The following CSMD1 variants were observed in gnomAD, a reference collection of about 807,000 sequenced individuals.
CSMD1 encodes the protein CUB and sushi domain-containing protein 1.
Under a neutral mutation model 417.5 loss-of-function variants are expected in CSMD1, and 213 were observed. The observed-to-expected ratio is 0.51, with a 90% CI of 0.46 to 0.57. The LOEUF (loss-of-function observed/expected upper bound fraction) is 0.57. Ranked by LOEUF, CSMD1 falls within the 20% of genes least tolerant of loss-of-function variation. CSMD1 has a pLI of 0.00. For synonymous variants in CSMD1, 2,862 were observed against 1,736.8 expected (o/e 1.65, Z -16.11); for missense variants, 6,923 against 4,529.7 (o/e 1.53, Z -15.17).
At chr8:3,213,166 C>T (rs938290420) in intron 30 of CSMD1, among the ~76,000 whole-genome samples, 9 of 152,116 alleles carry the variant, frequency 5.9e-5, no homozygotes, top group Admixed American at 1.3e-4. Context: ...TGGCCTGAAG[C>T]TGCCAGTAGC....
chr8:4,358,404 C>T (rs944467952), intron 3 of CSMD1, among the ~76,000 whole-genome samples: 4 of 152,076 alleles, frequency 2.6e-5, no homozygotes, highest in African/African-American at 7.2e-5. Flanking sequence ...TGTTTCGTGA[C>T]ACGTGAAAAT....
chr8:3,971,702 G>A (rs999096297), intron 5 of CSMD1, among the ~76,000 whole-genome samples: 2 of 152,266 alleles, frequency 1.3e-5, no homozygotes, highest in East Asian at 1.9e-4. Flanking sequence ...GCAAGGATAC[G>A]AGCCTCTTCC....
chr8:3,925,610 CA>C (rs1024949789), intron 5 of CSMD1, among the ~76,000 whole-genome samples: 6 of 152,026 alleles, frequency 3.9e-5, no homozygotes, highest in African/African-American at 1.4e-4. Flanking sequence ...ACTATTCTCG[CA>C]ACAGTGAATA....
At chr8:4,960,117 G>C (rs763549044) in intron 1 of CSMD1, among the ~76,000 whole-genome samples, 1 of 152,108 alleles carries the variant, frequency 6.6e-6, no homozygotes, top group Non-Finnish European at 1.5e-5. Context: ...TTTTAGGAGG[G>C]ATATAATGTG....
At chr8:4,163,079 T>G (rs1025771812) in intron 3 of CSMD1, among the ~76,000 whole-genome samples, 1 of 152,212 alleles carries the variant, frequency 6.6e-6, no homozygotes, top group African/African-American at 2.4e-5. Context: ...AATTTTGTTT[T>G]AGCAATGAAT....
rs150813897 is a variant in CSMD1 at position 4,248,410 on chromosome 8, A to G, written c.415+171543T>C. ...CTGGTGAAACTATCATGGCGCTTAT[A>G]AAAGAAGAGAGCCCGTCCACTTGAA... On this transcript the variant is annotated intron_variant, in intron 3 of 69. Coordinates refer to ENST00000635120, the MANE Select transcript of CSMD1 (RefSeq NM_033225.6). 2.2e-4 allele frequency among the ~76,000 whole-genome samples: 33 copies of G among 152,274 alleles called. 1 individual carries two copies. Among genetic ancestry groups the G allele is most frequent in the African/African-American group, 7.2e-4 (30 of 41,560 alleles).
chr8:3,971,737 G>T (rs1360170761), intron 5 of CSMD1, among the ~76,000 whole-genome samples: 1 of 152,128 alleles, frequency 6.6e-6, no homozygotes, highest in East Asian at 1.9e-4. Context: ...AGACCACCAA[G>T]GCCGATGCAT....
rs558359349 is a variant in CSMD1, at chr8:4,562,634, G to T, written c.302+74708C>A. 8.8e-4 allele frequency among the ~76,000 whole-genome samples: 134 copies of T among 152,226 alleles called. 2 individuals are homozygous for T. Among genetic ancestry groups the T allele is most frequent in the Non-Finnish European group, 1.6e-3 (108 of 68,012 alleles). On this transcript the variant is annotated intron_variant, in intron 2 of 69. Transcript: ENST00000635120. ...AATTTCAGAAATTTAGGACACATCA[G>T]AAATGTCAGATTCTATGGAGATCCA...
intron 6 of CSMD1, among the ~76,000 whole-genome samples, chr8:3,742,178 T>C (rs1239019330): frequency 6.6e-6 from 1 of 152,188 alleles, no homozygotes; most frequent in Non-Finnish European, 1.5e-5. Context: ...GAGTCTTCTA[T>C]AGCCCACCAT....
intron 52 of CSMD1, among the ~76,000 whole-genome samples, chr8:3,012,638 C>A (rs1808487862): frequency 6.6e-6 from 1 of 152,106 alleles, no homozygotes; most frequent in South Asian, 2.1e-4. Context: ...GGTATACAGC[C>A]CAAGGGAAGT....
At chr8:4,651,842 T>A in intron 1 of CSMD1, among the ~76,000 whole-genome samples, 1 of 152,214 alleles carries the variant, frequency 6.6e-6, no homozygotes, top group East Asian at 1.9e-4. Context: ...CTCATTGGAA[T>A]TAAAGGACTC....
intron 26 of CSMD1, among the ~76,000 whole-genome samples, chr8:3,259,412 G>T (rs1335285930): frequency 1.5e-5 from 2 of 135,686 alleles, no homozygotes; most frequent in African/African-American, 5.1e-5. Flanking sequence ...AATCCTGATG[G>T]CCTGAATGAA....
intron 3 of CSMD1, among the ~76,000 whole-genome samples, chr8:4,191,212 T>C (rs1286226484): frequency 5.3e-5 from 8 of 152,048 alleles, no homozygotes; most frequent in African/African-American, 1.7e-4. Context: ...CCGGCTAACA[T>C]GGTGAAACCC....
chr8:3,346,725 C>T (rs1161658788), intron 22 of CSMD1, among the ~76,000 whole-genome samples: 3 of 152,196 alleles, frequency 2.0e-5, no homozygotes, highest in African/African-American at 7.2e-5. Flanking sequence ...AGGGAGGACA[C>T]ACAGTGTTTT....
At chr8:3,639,802 G>T (rs7827895) in intron 7 of CSMD1, among the ~76,000 whole-genome samples, 69,650 of 151,774 alleles carry the variant, frequency 0.46, 16,132 homozygotes, top group Middle Eastern at 0.62. Context: ...ATCCTATTTT[G>T]GTTCAGGGCA....
intron 5 of CSMD1, among the ~76,000 whole-genome samples, chr8:3,976,597 G>C (rs546987405): frequency 1.3e-5 from 2 of 152,174 alleles, no homozygotes; most frequent in African/African-American, 2.4e-5. Flanking sequence ...GGCAAGATTT[G>C]CATAAGCATT....
chr8:3,555,237 G>A (rs886416407), intron 10 of CSMD1, among the ~76,000 whole-genome samples: 1 of 151,902 alleles, frequency 6.6e-6, no homozygotes, highest in African/African-American at 2.4e-5. Flanking sequence ...CTTGTGAAAT[G>A]TGACAGGGCA....
chr8:4,498,295 G>C (rs1199210170), intron 2 of CSMD1, among the ~76,000 whole-genome samples: 1 of 152,062 alleles, frequency 6.6e-6, no homozygotes, highest in East Asian at 1.9e-4. Context: ...TTGTGAGTGA[G>C]GTTGATTTCT....
intron 37 of CSMD1, among the ~76,000 whole-genome samples, chr8:3,167,012 C>G (rs1820263847): frequency 6.6e-6 from 1 of 152,056 alleles, no homozygotes; most frequent in African/African-American, 2.4e-5. Flanking sequence ...CAGGGCGGGG[C>G]ACAGTGGCTC....
Sources: gnomAD v4.1 joint callset for allele counts (sites outside exome capture counted in the v4.1 genomes callset) on GRCh38, gnomAD v4.1.1 for gene constraint, MANE v1.5 for transcripts, NCBI Gene and HGNC (gene_info 2026-07-23, HGNC 2026-07-21) for gene names.